Variants in ADK observed in about 807,000 individuals in gnomAD.
The protein encoded by ADK is N6,N6-dimethyladenosine kinase.
ADK carries 24 observed loss-of-function variants against 44.7 expected under a neutral mutation model. The observed-to-expected ratio is 0.54, with a 90% confidence interval of 0.39 to 0.76. ADK has a LOEUF of 0.76. ADK is among the 30% of genes least tolerant of loss of function. The pLI, the probability that ADK is intolerant of heterozygous loss-of-function variation, is 0.00. For missense variants in ADK, 321 were observed against 425.1 expected (o/e 0.76, Z 2.15); for synonymous variants, 128 against 142.6 (o/e 0.90, Z 0.73).
At chr10:74,613,133 T>A (rs1240062829) in intron 9 of ADK, among the ~76,000 whole-genome samples, 1 of 152,118 alleles carries the variant, frequency 6.6e-6, no homozygotes, top group African/African-American at 2.4e-5. Context: ...TAAAAGCACC[T>A]TTCTTTCAAT....
intron 1 of ADK, among the ~76,000 whole-genome samples, chr10:74,171,804 GTCTC>G (rs531929633): frequency 2.7e-5 from 4 of 147,924 alleles, no homozygotes; most frequent in Non-Finnish European, 6.0e-5. Flanking sequence ...GTCTCTCTCT[GTCTC>G]TCTGTGTGTG....
At chr10:74,446,532 C>T (rs958455905) in intron 6 of ADK, among the ~76,000 whole-genome samples, 10 of 151,952 alleles carry the variant, frequency 6.6e-5, no homozygotes, top group East Asian at 1.9e-4. Flanking sequence ...AAACTGTATA[C>T]GATAAGCAGC....
chr10:74,424,570 T>C (rs1057306760), intron 6 of ADK, among the ~76,000 whole-genome samples: 4 of 126,128 alleles, frequency 3.2e-5, no homozygotes, highest in Non-Finnish European at 6.4e-5. Flanking sequence ...AAAAAAAAAT[T>C]CCCCTGCCTC....
At chr10:74,249,830 T>C (rs1845578717) in intron 3 of ADK, among the ~76,000 whole-genome samples, 2 of 152,230 alleles carry the variant, frequency 1.3e-5, no homozygotes, top group African/African-American at 4.8e-5. Flanking sequence ...TATCAATTCA[T>C]GTATTTATTC....
At chr10:74,173,195 A>G (rs1469147205) in intron 1 of ADK, among the ~76,000 whole-genome samples, 1 of 148,380 alleles carries the variant, frequency 6.7e-6, no homozygotes, top group Non-Finnish European at 1.5e-5. Context: ...GGTTCACACC[A>G]TTCTCCTGCC....
intron 9 of ADK, among the ~76,000 whole-genome samples, chr10:74,639,123 G>A (rs995197621): frequency 1.3e-5 from 2 of 152,148 alleles, no homozygotes; most frequent in Admixed American, 6.5e-5. Context: ...TCTAATTACT[G>A]AAGATTAATT....
intron 4 of ADK, among the ~76,000 whole-genome samples, chr10:74,365,333 G>C (rs1177907433): frequency 6.6e-6 from 1 of 151,952 alleles, no homozygotes; most frequent in Non-Finnish European, 1.5e-5. Flanking sequence ...TGTGTCCGTG[G>C]GTTTACCTAT....
intron 1 of ADK, among the ~76,000 whole-genome samples, chr10:74,162,562 T>A (rs7901242): frequency 1.6e-3 from 216 of 134,716 alleles, no homozygotes; most frequent in East Asian, 6.6e-3. Flanking sequence ...TGTGTGTGTG[T>A]GAGACAGAGT....
chr10:74,524,852 G>C (rs1367163837), intron 6 of ADK, among the ~76,000 whole-genome samples: 1 of 152,192 alleles, frequency 6.6e-6, no homozygotes, highest in Non-Finnish European at 1.5e-5. Context: ...GGGCAATATA[G>C]TGAAACCTTA....
chr10:74,537,593 A>C (rs1279412501), intron 7 of ADK, among the ~76,000 whole-genome samples: 1 of 152,202 alleles, frequency 6.6e-6, no homozygotes, highest in African/African-American at 2.4e-5. Flanking sequence ...TAAATTAAGA[A>C]GGTTTTTTTA....
chr10:74,397,272 G>A (rs1843551827), intron 5 of ADK, among the ~76,000 whole-genome samples: 2 of 150,958 alleles, frequency 1.3e-5, no homozygotes, highest in South Asian at 4.2e-4. Flanking sequence ...GCAGATGGAT[G>A]AGTGGAAATA....
intron 3 of ADK, among the ~76,000 whole-genome samples, chr10:74,309,349 A>G (rs147919687): frequency 2.6e-5 from 4 of 152,184 alleles, no homozygotes; most frequent in African/African-American, 7.2e-5. Flanking sequence ...ATTTTACATG[A>G]TCTTAATATA....
At chr10:74,349,761 G>A (rs1455147184) in intron 4 of ADK, among the ~76,000 whole-genome samples, 1 of 152,038 alleles carries the variant, frequency 6.6e-6, no homozygotes, top group Non-Finnish European at 1.5e-5. Flanking sequence ...AGCAGGGGTT[G>A]CACTTCTAGT....
chr10:74,391,237 T>C (rs549008238), intron 4 of ADK, among the ~76,000 whole-genome samples: 2 of 152,182 alleles, frequency 1.3e-5, no homozygotes, highest in Non-Finnish European at 2.9e-5. Flanking sequence ...ATTTGATACC[T>C]TCTTTGATTT....
intron 4 of ADK, among the ~76,000 whole-genome samples, chr10:74,366,857 T>A (rs1842513793): frequency 6.6e-6 from 1 of 152,106 alleles, no homozygotes; most frequent in African/African-American, 2.4e-5. Flanking sequence ...TTGAGCTTGG[T>A]AGGCAGAGGT....
At chr10:74,701,408 T>G (rs1293880486) in intron 10 of ADK, among the ~76,000 whole-genome samples, 1 of 152,182 alleles carries the variant, frequency 6.6e-6, no homozygotes, top group Non-Finnish European at 1.5e-5. Flanking sequence ...GCCACCCAGA[T>G]CTTGGTCTCT....
intron 1 of ADK, among the ~76,000 whole-genome samples, chr10:74,166,369 G>A (rs903842712): frequency 5.3e-5 from 8 of 152,192 alleles, no homozygotes; most frequent in African/African-American, 1.9e-4. Flanking sequence ...TGCAGAGGCT[G>A]TAGTGCAGTT....
In ADK at chr10:74,247,224, G is replaced by GTTTTT. The variant is rs142274121; in HGVS notation, c.194+22653_194+22657dup. Among the ~76,000 whole-genome samples, 279 of 72,004 alleles carry GTTTTT rather than the reference G, an allele frequency of 3.9e-3. 9 individuals carry two copies. Among genetic ancestry groups the GTTTTT allele is most frequent in the Middle Eastern group, 0.018 (1 of 56 alleles). 47.2% of individuals were successfully genotyped at this position (72,004 alleles called of 152,430 possible). Reference sequence around the variant, plus strand: ...CTTTTTTTGATTTTTTTTTTTTTAAGTTTTTTTTTTTTTTTTTTTTTTTTG... The same window carrying GTTTTT: ...CTTTTTTTGATTTTTTTTTTTTTAAGTTTTTTTTTTTTTTTTTTTTTTTTTTTTTG... On this transcript the variant is annotated intron_variant, in intron 3 of 10. Coordinates refer to ENST00000539909, the MANE Select transcript of ADK (RefSeq NM_006721.4).
chr10:74,193,508 G>A (rs1178677177), intron 1 of ADK, among the ~76,000 whole-genome samples: 1 of 152,016 alleles, frequency 6.6e-6, no homozygotes, highest in African/African-American at 2.4e-5. Context: ...TCTTGTGCTA[G>A]GCATGCTGGC....
Sources: allele counts gnomAD v4.1 joint callset (sites outside exome capture counted in the v4.1 genomes callset), GRCh38; gene constraint gnomAD v4.1.1; transcripts MANE v1.5; gene names NCBI Gene and HGNC (gene_info 2026-07-23, HGNC 2026-07-21).